Variants in DAPK1 observed in about 807,000 individuals in gnomAD.
The protein encoded by DAPK1 is death associated protein kinase 1.
A neutral mutation model predicts 144.9 loss-of-function variants in DAPK1; 56 were observed. The ratio of observed to expected loss-of-function variants is 0.39; its 90% confidence interval spans 0.31 to 0.48. The LOEUF (loss-of-function observed/expected upper bound fraction) is 0.48, where lower values mean the gene tolerates loss of function less well. DAPK1 is among the 20% of genes least tolerant of loss of function. DAPK1 has a pLI of 0.95. For synonymous variants in DAPK1, 690 were observed against 749.0 expected, an observed-to-expected ratio of 0.92 and a Z score of 1.29; for missense variants, 1,454 against 1,875.4, an observed-to-expected ratio of 0.78 and a Z score of 4.15.
intron 3 of DAPK1, among the ~76,000 whole-genome samples, chr9:87,607,936 T>C (rs1168841253): frequency 6.6e-6 from 1 of 152,092 alleles, no homozygotes; most frequent in Admixed American, 6.5e-5. Flanking sequence ...ACAGGAAGCA[T>C]GGCTGGGGAG....
chr9:87,522,578 AT>A (rs1456362344), intron 2 of DAPK1, among the ~76,000 whole-genome samples: 3 of 152,120 alleles, frequency 2.0e-5, no homozygotes, highest in Non-Finnish European at 4.4e-5. Flanking sequence ...TTCTTTTCTA[AT>A]TTTTCTATTA....
intron 2 of DAPK1, among the ~76,000 whole-genome samples, chr9:87,602,237 T>C (rs1828549569): frequency 6.6e-6 from 1 of 152,186 alleles, no homozygotes; most frequent in Non-Finnish European, 1.5e-5. Flanking sequence ...CATTTTACTC[T>C]CTGCAGTCAG....
intron 25 of DAPK1, 123 bp downstream of exon 25, chr9:87,703,340 C>G (rs1239166901): frequency 1.6e-6 from 1 of 614,888 alleles, no homozygotes; most frequent in Non-Finnish European, 2.9e-6. Context: ...TCCAGCTAAC[C>G]TACAACATTT....
chr9:87,691,535 G>A (rs1299102110), intron 21 of DAPK1, among the ~76,000 whole-genome samples: 1 of 151,716 alleles, frequency 6.6e-6, no homozygotes, highest in Non-Finnish European at 1.5e-5. Context: ...CTAAATTGTG[G>A]TTTGGCTTGT....
intron 2 of DAPK1, among the ~76,000 whole-genome samples, chr9:87,539,418 T>C (rs1471593871): frequency 6.9e-6 from 1 of 144,370 alleles, no homozygotes; most frequent in Non-Finnish European, 1.5e-5. Context: ...TTTATAAGTT[T>C]TAAATTTCTC....
rs191828222 is a variant in DAPK1 at position 87,639,601 on chromosome 9, C to T, written c.554-49C>T. 165 of 1,611,104 alleles carry T rather than the reference C, an allele frequency of 1.0e-4. 1 individual carries two copies. In the African/African-American group the frequency reaches 2.0e-3, roughly 20 times the overall value. On this transcript the variant is annotated intron_variant, in intron 5 of 25. Coordinates refer to ENST00000408954, the MANE Select transcript of DAPK1 (RefSeq NM_004938.4). ...CCTGGTTGTTGCATGAAGATAGAAT[C>T]GGTTAGTTTGCTTCCTCCCAAGCTA...
chr9:87,563,003 G>A (rs1305309382), intron 2 of DAPK1, among the ~76,000 whole-genome samples: 1 of 152,206 alleles, frequency 6.6e-6, no homozygotes, highest in African/African-American at 2.4e-5. Context: ...TGGAGTGAAG[G>A]TTGGACAATG....
At chr9:87,609,868 A>G (rs1828866332) in intron 3 of DAPK1, among the ~76,000 whole-genome samples, 1 of 152,184 alleles carries the variant, frequency 6.6e-6, no homozygotes, top group African/African-American at 2.4e-5. Context: ...TCTGAGGGTT[A>G]GTGATGAAGC....
intron 4 of DAPK1, 143 bp from the exon 5 acceptor site, chr9:87,639,211 A>G: frequency 1.4e-6 from 1 of 722,482 alleles, no homozygotes; most frequent in Non-Finnish European, 2.2e-6. Flanking sequence ...CAAGACATGT[A>G]TTTTCCTGCT....
intron 10 of DAPK1, 33 bp from the exon 11 acceptor site, chr9:87,643,343 C>G: frequency 8.1e-7 from 1 of 1,230,714 alleles, no homozygotes; most frequent in Non-Finnish European, 1.1e-6. Flanking sequence ...CCTCCCCGCC[C>G]TCCCTTTTTT....
chr9:87,648,644 C>T (rs1830342984), intron 14 of DAPK1, 137 bp from the exon 15 acceptor site: 1 of 695,874 alleles, frequency 1.4e-6, no homozygotes, highest in African/African-American at 1.8e-5. Context: ...ACTATAGGGG[C>T]ATCTGCCCAA....
chr9:87,698,818 C>T (rs757171013), intron 23 of DAPK1, 24 bp downstream of exon 23: 1 of 1,514,814 alleles, frequency 6.6e-7, no homozygotes, highest in South Asian at 1.1e-5. Context: ...ACTTAGTCTC[C>T]AGCTCACGGG....
chr9:87,520,356 G>C lies in DAPK1; in HGVS notation c.62+21217G>C, dbSNP rs1825248929. ...TGGGAGGAAGTGGAGGAACTGCTGG[G>C]GTGTGAGGCTGTGAAAGGACCTTGG... is the stretch of plus-strand genomic sequence containing the variant. On this transcript the variant is annotated intron_variant, in intron 2 of 25. Coordinates refer to ENST00000408954, the MANE Select transcript of DAPK1 (RefSeq NM_004938.4). Among the ~76,000 whole-genome samples the C allele has an allele frequency of 1.3e-5, 2 of 152,134 alleles. 1 individual carries two copies. The highest frequency in any genetic ancestry group is 4.8e-5 in the African/African-American group (2 of 41,424).
chr9:87,573,982 C>T (rs1275205530), intron 2 of DAPK1, among the ~76,000 whole-genome samples: 1 of 152,144 alleles, frequency 6.6e-6, no homozygotes, highest in South Asian at 2.1e-4. Context: ...GATATGGCAG[C>T]TCTGTGATAT....
At position 87,651,515 on chromosome 9, in the gene DAPK1, G is replaced by A. The variant is rs749720646; in HGVS notation, c.1627-12G>A. The stretch of plus-strand genomic sequence containing the variant: ...GTGAAAAGCTCTCATGATCTCTGGG[G>A]TTTGTTTCCAGGACGGACACATTGC... On this transcript the variant is annotated splice_polypyrimidine_tract_variant and intron_variant, in intron 16 of 25. Coordinates refer to ENST00000408954, the MANE Select transcript of DAPK1 (RefSeq NM_004938.4). The A allele has an allele frequency of 2.5e-6, 4 of 1,613,986 alleles. No individual in the cohort carries two copies. Among genetic ancestry groups the A allele is most frequent in the East Asian group, 2.2e-5 (1 of 44,878 alleles).
chr9:87,654,930 A>G (rs112533024), intron 17 of DAPK1, among the ~76,000 whole-genome samples: 13,103 of 152,142 alleles, frequency 0.086, 1,917 homozygotes, highest in African/African-American at 0.3. Context: ...CAAAAAATCC[A>G]CAAGACAGTC....
intron 2 of DAPK1, among the ~76,000 whole-genome samples, chr9:87,516,475 C>T (rs977569357): frequency 6.6e-6 from 1 of 152,142 alleles, no homozygotes; most frequent in Non-Finnish European, 1.5e-5. Context: ...CTTGCTTCCC[C>T]CTGCTCTGTC....
At chr9:87,627,308 T>A (rs1829526290) in intron 3 of DAPK1, among the ~76,000 whole-genome samples, 2 of 152,182 alleles carry the variant, frequency 1.3e-5, no homozygotes, top group African/African-American at 4.8e-5. Context: ...TTTGCTTAAT[T>A]TATTATTGCA....
Position 87,706,807 on chromosome 9 carries a change from C to G in DAPK1, c.3736C>G (p.His1246Asp). The change falls in exon 26 of 26, where the codon CAT becomes GAT. Residue 1246 changes from histidine to aspartate, a missense_variant. His to Asp is a moderately conservative substitution (Grantham distance 81). Around this residue, in one of 2 missense-constraint regions of DAPK1, gnomAD observed 1,025 missense variants for 1,237.9 expected, o/e 0.83. Transcript: ENST00000408954. The surrounding 1 kb of genome is among the most constrained non-coding windows in gnomAD (Gnocchi z 9.0). ...YLSPQQLREH[H>D]EPVMIYQPRD... ...GAGCCCCCAGCAGCTGCGGGAGCAC[C>G]ATGAGCCCGTCATGATCTACCAGCC... 1 of 1,613,618 alleles carries G rather than the reference C, an allele frequency of 6.2e-7. No homozygotes were observed. The highest frequency in any genetic ancestry group is 1.1e-5 in the South Asian group (1 of 91,070).
Sources: gnomAD v4.1 joint callset for allele counts (sites outside exome capture counted in the v4.1 genomes callset) on GRCh38, gnomAD v4.1.1 for gene constraint, gnomAD v4.1.1 regional missense constraint, Gnocchi (gnomAD v3.1) non-coding constraint, MANE v1.5 for transcripts, NCBI Gene and HGNC (gene_info 2026-07-23, HGNC 2026-07-21) for gene names.